Variants in ARB2A observed in about 807,000 individuals in gnomAD.
ARB2A encodes the protein ARB2 cotranscriptional regulator A.
the ARB2A span, among the ~76,000 whole-genome samples, chr5:94,081,093 T>C: frequency 6.6e-6 from 1 of 152,318 alleles, no homozygotes; most frequent in African/African-American, 2.4e-5. Context: ...ATGCTCAATA[T>C]CATTAGTCAT....
the ARB2A span, among the ~76,000 whole-genome samples, chr5:93,826,967 T>C: frequency 3.9e-5 from 6 of 152,084 alleles, no homozygotes; most frequent in African/African-American, 1.2e-4. Flanking sequence ...GGTGTATATG[T>C]GCCACGTTTT....
the ARB2A span, among the ~76,000 whole-genome samples, chr5:94,067,826 A>C: frequency 6.6e-6 from 1 of 152,184 alleles, no homozygotes; most frequent in East Asian, 1.9e-4. Context: ...AAAAACACTA[A>C]ATTCAAATGG....
the ARB2A span, among the ~76,000 whole-genome samples, chr5:93,853,592 G>T: frequency 6.6e-6 from 1 of 152,118 alleles, no homozygotes; most frequent in Non-Finnish European, 1.5e-5. Context: ...TTGGCTGTGG[G>T]TTTGTCATAG....
the ARB2A span, among the ~76,000 whole-genome samples, chr5:93,759,875 T>A: frequency 6.6e-6 from 1 of 152,112 alleles, no homozygotes; most frequent in East Asian, 1.9e-4. Context: ...CTCTTCAACA[T>A]ACACTGGAAG....
At chr5:94,004,437 C>T in the ARB2A span, among the ~76,000 whole-genome samples, 8 of 151,798 alleles carry the variant, frequency 5.3e-5, no homozygotes, top group African/African-American at 9.7e-5. Flanking sequence ...ACAAAATTAG[C>T]CAGGCATTGT....
chr5:93,810,008 T>C, the ARB2A span, among the ~76,000 whole-genome samples: 1 of 152,226 alleles, frequency 6.6e-6, no homozygotes, highest in South Asian at 2.1e-4. Context: ...AGATCAATTG[T>C]ACAATGTGTG....
chr5:93,679,791 C>T, the ARB2A span, among the ~76,000 whole-genome samples: 1 of 152,104 alleles, frequency 6.6e-6, no homozygotes, highest in Admixed American at 6.6e-5. Flanking sequence ...ATAACTTAAA[C>T]TGTATTTCAT....
chr5:93,679,125 T>C, the ARB2A span, among the ~76,000 whole-genome samples: 2 of 152,224 alleles, frequency 1.3e-5, no homozygotes, highest in Non-Finnish European at 2.9e-5. Flanking sequence ...TTATAAGAGA[T>C]ATGAAATTCA....
chr5:93,846,380 T>C, the ARB2A span, among the ~76,000 whole-genome samples: 4 of 151,302 alleles, frequency 2.6e-5, no homozygotes, highest in Admixed American at 2.6e-4. Context: ...CATGTGCCTG[T>C]AGTCTTTGCT....
chr5:93,935,825 AT>A, the ARB2A span, among the ~76,000 whole-genome samples: 1 of 152,140 alleles, frequency 6.6e-6, no homozygotes, highest in African/African-American at 2.4e-5. Flanking sequence ...ATGATTTAGA[AT>A]TTTTTTATGA....
chr5:94,030,403 C>T, the ARB2A span, among the ~76,000 whole-genome samples: 1 of 152,258 alleles, frequency 6.6e-6, no homozygotes, highest in Non-Finnish European at 1.5e-5. Flanking sequence ...GACTGAGATC[C>T]ACATTTCCTT....
At chr5:94,004,105 A>C in the ARB2A span, among the ~76,000 whole-genome samples, 3 of 152,210 alleles carry the variant, frequency 2.0e-5, no homozygotes, top group African/African-American at 4.8e-5. Flanking sequence ...GGCCTTTTCA[A>C]TTCACAGTGC....
At chr5:93,776,212 GGTTCTGA>G in the ARB2A span, 1 of 1,611,714 alleles carries the variant, frequency 6.2e-7, no homozygotes, top group Non-Finnish European at 8.5e-7. Flanking sequence ...TGTGTCTAAT[GGTTCTGA>G]GCTAGAGACC....
At chr5:93,697,002 C>T in the ARB2A span, among the ~76,000 whole-genome samples, 2 of 138,716 alleles carry the variant, frequency 1.4e-5, no homozygotes, top group Non-Finnish European at 3.0e-5. Context: ...GGAGGGGTTG[C>T]AGTGAGTCGA....
chr5:93,678,886 T>C, the ARB2A span, among the ~76,000 whole-genome samples: 1 of 152,210 alleles, frequency 6.6e-6, no homozygotes, highest in South Asian at 2.1e-4. Flanking sequence ...GATGGTCCCA[T>C]GTGAACTGAG....
chr5:93,771,025 G>A, the ARB2A span, among the ~76,000 whole-genome samples: 42 of 152,180 alleles, frequency 2.8e-4, no homozygotes, highest in African/African-American at 9.9e-4. Context: ...AAACAAAGCT[G>A]GAGGCATCAC....
chr5:94,106,630 T>C, the ARB2A span, among the ~76,000 whole-genome samples: 1 of 152,116 alleles, frequency 6.6e-6, no homozygotes, highest in East Asian at 1.9e-4. Flanking sequence ...CCTGGGTACC[T>C]ACCCAAAGGA....
chr5:93,692,374 A>C, the ARB2A span, among the ~76,000 whole-genome samples: 1 of 152,032 alleles, frequency 6.6e-6, no homozygotes, highest in South Asian at 2.1e-4. Flanking sequence ...AAAACAAGCA[A>C]ACAAAAAAGC....
the ARB2A span, among the ~76,000 whole-genome samples, chr5:93,787,916 T>G: frequency 6.6e-6 from 1 of 152,178 alleles, no homozygotes; most frequent in African/African-American, 2.4e-5. Flanking sequence ...GAGGGAAAAT[T>G]AGATATTCCT....
Sources: gnomAD v4.1 joint callset for allele counts (sites outside exome capture counted in the v4.1 genomes callset) on GRCh38, gnomAD v4.1.1 for gene constraint, MANE v1.5 for transcripts, NCBI Gene and HGNC (gene_info 2026-07-23, HGNC 2026-07-21) for gene names.